Variants in SAMMSON observed in about 807,000 individuals in gnomAD.
The protein encoded by SAMMSON is survival associated mitochondrial melanoma specific oncogenic non-coding RNA.
intron 6 of SAMMSON, among the ~76,000 whole-genome samples, chr3:70,266,443 A>T (rs1204810255): frequency 6.6e-6 from 1 of 151,816 alleles, no homozygotes; most frequent in Non-Finnish European, 1.5e-5. Context: ...ATTTAGAGAC[A>T]GGGTCTCATT....
chr3:70,043,010 T>C (rs1027248081), intron 3 of SAMMSON, among the ~76,000 whole-genome samples: 1 of 152,094 alleles, frequency 6.6e-6, no homozygotes, highest in African/African-American at 2.4e-5. Flanking sequence ...CAATAAAATA[T>C]TCTAATGGTG....
intron 7 of SAMMSON, among the ~76,000 whole-genome samples, chr3:70,293,584 G>C (rs1052812395): frequency 6.6e-6 from 1 of 152,132 alleles, no homozygotes; most frequent in Non-Finnish European, 1.5e-5. Context: ...TGCCTTACTT[G>C]GGTGCCACAG....
chr3:70,185,723 G>A (rs555469502), intron 4 of SAMMSON, among the ~76,000 whole-genome samples: 1 of 150,218 alleles, frequency 6.7e-6, no homozygotes, highest in South Asian at 2.1e-4. Context: ...CCAGCCAGGT[G>A]TAGTGGCACA....
chr3:70,285,883 T>A (rs1702157191), intron 6 of SAMMSON, among the ~76,000 whole-genome samples: 1 of 151,952 alleles, frequency 6.6e-6, no homozygotes, highest in African/African-American at 2.4e-5. Flanking sequence ...TTCATGTCCT[T>A]CGCCCACTTT....
chr3:70,053,575 G>T (rs1215542604), intron 3 of SAMMSON, among the ~76,000 whole-genome samples: 1 of 152,094 alleles, frequency 6.6e-6, no homozygotes, highest in South Asian at 2.1e-4. Context: ...AGACTGACAC[G>T]TGCTAATTTT....
chr3:70,399,966 C>G (rs1242210245), intron 2 of SAMMSON, among the ~76,000 whole-genome samples: 1 of 148,324 alleles, frequency 6.7e-6, no homozygotes, highest in African/African-American at 2.6e-5. Context: ...GCATGCAGCT[C>G]TAATATGGGG....
At chr3:70,415,023 T>C (rs1224856463) in intron 2 of SAMMSON, among the ~76,000 whole-genome samples, 1 of 151,450 alleles carries the variant, frequency 6.6e-6, no homozygotes, top group Non-Finnish European at 1.5e-5. Context: ...CTGAAAAGAA[T>C]TGGAAAGAGG....
intron 2 of SAMMSON, among the ~76,000 whole-genome samples, chr3:70,414,118 A>ATTG (rs2106770329): frequency 6.6e-6 from 1 of 152,162 alleles, no homozygotes; most frequent in East Asian, 1.9e-4. Flanking sequence ...GCCTCTGAAA[A>ATTG]TCTCTAGTTT....
chr3:70,388,635 G>A (rs1701006559), intron 9 of SAMMSON, among the ~76,000 whole-genome samples: 2 of 152,252 alleles, frequency 1.3e-5, no homozygotes, highest in South Asian at 4.1e-4. Flanking sequence ...ATGAATGAAA[G>A]ATGGCTGTGG....
intron 4 of SAMMSON, among the ~76,000 whole-genome samples, chr3:70,175,671 C>T (rs1263071065): frequency 6.6e-6 from 1 of 152,082 alleles, no homozygotes; most frequent in Non-Finnish European, 1.5e-5. Flanking sequence ...ACCCCAGTTG[C>T]TCTACAATCT....
At chr3:70,124,435 T>C (rs1173167637) in intron 4 of SAMMSON, among the ~76,000 whole-genome samples, 4 of 152,198 alleles carry the variant, frequency 2.6e-5, no homozygotes, top group Non-Finnish European at 5.9e-5. Flanking sequence ...GAATCACATA[T>C]ACAAAAAATT....
At chr3:70,042,111 C>T (rs1576106122) in intron 3 of SAMMSON, among the ~76,000 whole-genome samples, 2 of 152,064 alleles carry the variant, frequency 1.3e-5, no homozygotes, top group Admixed American at 1.3e-4. Flanking sequence ...ATCAGGGTTC[C>T]ATTTTTACAA....
intron 3 of SAMMSON, among the ~76,000 whole-genome samples, chr3:70,019,110 G>A (rs956063057): frequency 5.9e-5 from 9 of 152,164 alleles, no homozygotes; most frequent in Non-Finnish European, 1.3e-4. Flanking sequence ...GCTTGGTGCA[G>A]AGCTGAGTTC....
At chr3:70,085,902 A>G (rs2067283701) in intron 4 of SAMMSON, among the ~76,000 whole-genome samples, 1 of 152,138 alleles carries the variant, frequency 6.6e-6, no homozygotes, top group African/African-American at 2.4e-5. Flanking sequence ...AACAAATGAA[A>G]CCTTAATCAT....
At chr3:70,186,532 C>T (rs1010165736) in intron 4 of SAMMSON, among the ~76,000 whole-genome samples, 1 of 152,014 alleles carries the variant, frequency 6.6e-6, no homozygotes, top group Non-Finnish European at 1.5e-5. Flanking sequence ...CGCCTCTGCC[C>T]CCTCAAAGTT....
At position 70,027,931 on chromosome 3, in the gene SAMMSON, T is replaced by A. The variant is rs997760051; in HGVS notation, n.417+14259T>A. ...TCTCAAAGCCGTTTTCATTTGGGGG[T>A]AATATTGAAATAGACAGTATTTAAA... On this transcript the variant is annotated intron_variant and non_coding_transcript_variant, in intron 3 of 9. Coordinates refer to ENST00000642114, the Ensembl canonical transcript of SAMMSON. Among the ~76,000 whole-genome samples the A allele has an allele frequency of 6.6e-5, 10 of 152,146 alleles. No homozygotes were observed. The East Asian group carries it at 1.9e-3, about 30-fold the overall frequency.
chr3:70,228,979 T>C (rs1376605921), intron 4 of SAMMSON, among the ~76,000 whole-genome samples: 1 of 152,108 alleles, frequency 6.6e-6, no homozygotes, highest in African/African-American at 2.4e-5. Flanking sequence ...ACACGGAGAA[T>C]ACCATGTAAT....
chr3:70,338,526 T>C (rs573463916), intron 7 of SAMMSON, among the ~76,000 whole-genome samples: 1 of 152,264 alleles, frequency 6.6e-6, no homozygotes, highest in African/African-American at 2.4e-5. Context: ...CAAAATCTCC[T>C]TAAGCTCATA....
downstream of SAMMSON, among the ~76,000 whole-genome samples, chr3:70,394,266 C>T (rs973775299): frequency 4.4e-4 from 67 of 152,258 alleles, no homozygotes; most frequent in African/African-American, 1.5e-3. Context: ...GTTGGGTCAA[C>T]TTGGATGTGT....
Sources: allele counts gnomAD v4.1 joint callset (sites outside exome capture counted in the v4.1 genomes callset), GRCh38; gene constraint gnomAD v4.1.1; transcripts MANE v1.5; gene names NCBI Gene and HGNC (gene_info 2026-07-23, HGNC 2026-07-21).